Variants in PIR observed in about 807,000 individuals in gnomAD.
The protein encoded by PIR is pirin (iron-binding nuclear protein).
PIR carries 22 observed loss-of-function variants against 24.2 expected under a neutral mutation model. The ratio of observed to expected loss-of-function variants is 0.91; its 90% confidence interval spans 0.65 to 1.30. The LOEUF is 1.30. Among genes scored for constraint, PIR ranks in the 50% most tolerant of loss-of-function variants. PIR has a pLI of 0.00. For synonymous variants in PIR, 80 were observed against 79.6 expected (o/e 1.00, Z -0.03); for missense variants, 220 against 220.3 (o/e 1.00, Z 0.01).
chrX:15,434,911 T>C (rs1287010618), intron 5 of PIR, among the ~76,000 whole-genome samples: 1 of 111,692 alleles, frequency 9.0e-6, no homozygotes, highest in Non-Finnish European at 1.9e-5. Context: ...ATGTTTAACA[T>C]TAAATTATTT....
At chrX:15,492,215 G>C (rs1923203326) in intron 1 of PIR, among the ~76,000 whole-genome samples, 1 of 110,398 alleles carries the variant, frequency 9.1e-6, no homozygotes, top group South Asian at 4.0e-4. Flanking sequence ...GATCTTCGAG[G>C]GTCATTGAAT....
chrX:15,433,522 AAGAAAGAAAGAAAGAAAGAAAGAGAG>A lies in PIR; in HGVS notation c.481-7558_481-7533del, dbSNP rs763538774. The stretch of plus-strand genomic sequence containing the variant: ...AAGGAGGAGGAGGAGGAAAGAAAGA[AAGAAAGAAAGAAAGAAAGAAAGAGAG>A]AGAAAGAAAGAAAGAGAGAGAAAGA... On this transcript the variant is annotated intron_variant, in intron 5 of 9. Coordinates refer to ENST00000380420, the MANE Select transcript of PIR (RefSeq NM_001018109.3). Among the ~76,000 whole-genome samples the A allele has an allele frequency of 2.5e-3, 60 of 23,694 alleles. 1 individual carries two copies. The highest frequency in any genetic ancestry group is 2.9e-3 in the African/African-American group (15 of 5,155). The allele number at this position is 23,694 out of a possible 115,157, so 20.6% of individuals were successfully genotyped here. A position where few individuals can be genotyped will look rare whatever the true frequency, so the allele number is the denominator to read the frequency against.
intron 5 of PIR, among the ~76,000 whole-genome samples, chrX:15,430,873 T>G (rs961260137): frequency 6.3e-5 from 7 of 111,744 alleles, no homozygotes; most frequent in Non-Finnish European, 9.4e-5. Context: ...TATCTTGAAT[T>G]TTGCCATTGC....
chrX:15,448,887 T>C (rs1342425195), intron 5 of PIR, among the ~76,000 whole-genome samples: 2 of 112,454 alleles, frequency 1.8e-5, no homozygotes, highest in Non-Finnish European at 3.7e-5. Context: ...TGTCACATTA[T>C]ACTTCTGCTG....
At chrX:15,392,825 T>C (rs1924000543) in intron 8 of PIR, among the ~76,000 whole-genome samples, 2 of 112,490 alleles carry the variant, frequency 1.8e-5, no homozygotes, top group African/African-American at 6.5e-5. Flanking sequence ...TGTCAAAATA[T>C]GCAAACATGA....
rs1484554733 is a variant in PIR, at chrX:15,455,981, A to G, written c.347T>C (p.Leu116Pro). The G allele has an allele frequency of 8.3e-7, 1 of 1,209,668 alleles. No individual in the cohort carries two copies. Among genetic ancestry groups the G allele is most frequent in the African/African-American group, 1.7e-5 (1 of 57,192 alleles). The change falls in exon 5 of 10, where the codon CTG (leucine) becomes CCG (proline). Residue 116 changes from leucine to proline, a missense_variant. Coordinates refer to ENST00000380420, the MANE Select transcript of PIR (RefSeq NM_001018109.3). The stretch of plus-strand genomic sequence containing the variant: ...CTCTGAGCTCCTCAAATTAACCCAC[A>G]GTTGTAGGCCATGGGCTGGCTCCTC... ...CSEEPAHGLQ[L>P]WVNLRSSEKM...
chrX:15,387,357 A>G (rs1488218854), intron 9 of PIR, among the ~76,000 whole-genome samples: 1 of 108,984 alleles, frequency 9.2e-6, no homozygotes, highest in Non-Finnish European at 1.9e-5. Context: ...TCGACCTCCC[A>G]AAGTGCTGGG....
chrX:15,409,293 T>A (rs1268737253), intron 6 of PIR, among the ~76,000 whole-genome samples: 5 of 104,965 alleles, frequency 4.8e-5, no homozygotes, highest in African/African-American at 1.1e-4. Context: ...GAGACGGGGT[T>A]TCACCATGTT....
chrX:15,466,830 G>A (rs753370853), intron 3 of PIR, among the ~76,000 whole-genome samples: 1 of 111,845 alleles, frequency 8.9e-6, no homozygotes, highest in South Asian at 3.8e-4. Context: ...CTGTTCAAAT[G>A]TTACTGCCTA....
chrX:15,422,210 A>G (rs1449667134), intron 6 of PIR, among the ~76,000 whole-genome samples: 2 of 110,737 alleles, frequency 1.8e-5, no homozygotes, highest in African/African-American at 6.6e-5. Context: ...ATGGGAAAAA[A>G]TTGAAAGAAT....
At chrX:15,392,631 G>C (rs1050794381) in intron 8 of PIR, among the ~76,000 whole-genome samples, 1 of 111,852 alleles carries the variant, frequency 8.9e-6, no homozygotes, top group East Asian at 2.8e-4. Flanking sequence ...CTGTAGGGTA[G>C]AATGGTTTCT....
chrX:15,438,647 C>G (rs1317523438), intron 5 of PIR, among the ~76,000 whole-genome samples: 3 of 111,902 alleles, frequency 2.7e-5, no homozygotes, highest in Non-Finnish European at 5.6e-5. Context: ...CCCTTGGCCT[C>G]TTATGGAGAC....
chrX:15,485,270 G>A (rs1315367852), intron 2 of PIR, among the ~76,000 whole-genome samples: 6 of 112,061 alleles, frequency 5.4e-5, no homozygotes, highest in Non-Finnish European at 1.1e-4. Flanking sequence ...AACAAATTTG[G>A]TGTCTGGTGA....
At position 15,409,095 on chromosome X, in the gene PIR, C is replaced by CT. The variant is rs11308485; in HGVS notation, c.566-1546dup. On this transcript the variant is annotated intron_variant, in intron 6 of 9. Coordinates refer to ENST00000380420, the MANE Select transcript of PIR (RefSeq NM_001018109.3). ...ATTCATAGCTTACTCGTTTTTCTCCCTTTTTTTTTTTTTTTTTTTTTGAGA... is the reference window on the plus strand; with the variant it reads ...ATTCATAGCTTACTCGTTTTTCTCCCTTTTTTTTTTTTTTTTTTTTTTGAGA... Among the ~76,000 whole-genome samples the CT allele has an allele frequency of 9.8e-3, 589 of 60,334 alleles. 10 individuals carry two copies. Among genetic ancestry groups the CT allele is most frequent in the East Asian group, 0.019 (39 of 2,097 alleles). The allele number at this position is 60,334 out of a possible 115,157, so 52.4% of individuals were successfully genotyped here.
At chrX:15,409,341 C>G (rs762550229) in intron 6 of PIR, among the ~76,000 whole-genome samples, 119 of 109,575 alleles carry the variant, frequency 1.1e-3, no homozygotes, top group African/African-American at 4.0e-3. Context: ...TCGTGATCCA[C>G]CCGCCTCGGC....
At position 15,434,485 on chromosome X, in the gene PIR, G is replaced by T; in HGVS notation, c.481-8495C>A. Among the ~76,000 whole-genome samples, 3 of 110,563 alleles carry T rather than the reference G, an allele frequency of 2.7e-5. No individual in the cohort carries two copies. The Admixed American group carries it at 2.9e-4, about 11-fold the overall frequency. On this transcript the variant is annotated intron_variant, in intron 5 of 9. Coordinates refer to ENST00000380420, the MANE Select transcript of PIR (RefSeq NM_001018109.3). The stretch of plus-strand genomic sequence containing the variant: ...GGGAGAGGGAGAGGGAGAGGGAGAA[G>T]GAGAAGGAGATTACCACCTCTGGTT...
intron 7 of PIR, among the ~76,000 whole-genome samples, chrX:15,404,767 C>T (rs140045710): frequency 8.9e-6 from 1 of 111,776 alleles, no homozygotes; most frequent in African/African-American, 3.3e-5. Context: ...ACCGCCCCCC[C>T]ATTAGGGTGT....
chrX:15,396,761 A>G (rs1433298709), intron 8 of PIR, among the ~76,000 whole-genome samples: 5 of 68,804 alleles, frequency 7.3e-5, no homozygotes, highest in African/African-American at 1.0e-4. Context: ...TTTTTTTTTG[A>G]GACGGAGTCT....
At chrX:15,433,549 A>AAAGAAG in intron 5 of PIR, among the ~76,000 whole-genome samples, 1 of 5,371 alleles carries the variant, frequency 1.9e-4, no homozygotes, top group Non-Finnish European at 3.0e-4. Flanking sequence ...AGAAAGAGAG[A>AAAGAAG]GAAAGAAAGA....
Sources: allele counts gnomAD v4.1 joint callset (sites outside exome capture counted in the v4.1 genomes callset), GRCh38; gene constraint gnomAD v4.1.1; transcripts MANE v1.5; gene names NCBI Gene and HGNC (gene_info 2026-07-23, HGNC 2026-07-21).